The following EPHA5 variants were observed in gnomAD, a reference collection of about 807,000 sequenced individuals.
The protein encoded by EPHA5 is EPH receptor A5, also known as ephrin type-A receptor 5.
In EPHA5, 60 loss-of-function variants were observed where a neutral mutation model predicts 105.0. The observed-to-expected ratio is 0.57, with a 90% CI of 0.46 to 0.71. The LOEUF is 0.71. Ranked by LOEUF, EPHA5 falls within the 30% of genes least tolerant of loss-of-function variation. The probability of loss-of-function intolerance (pLI) is 0.00; values close to 1 mark genes in which losing one functional copy is unlikely to be tolerated. For missense variants in EPHA5, 1,218 were observed against 1,274.7 expected (o/e 0.96, Z 0.68); for synonymous variants, 513 against 449.1 (o/e 1.14, Z -1.80).
intron 5 of EPHA5, among the ~76,000 whole-genome samples, chr4:65,432,549 GT>G (rs1398913560): frequency 1.3e-5 from 2 of 151,832 alleles, no homozygotes; most frequent in African/African-American, 4.8e-5. Context: ...TTTTGTTTAT[GT>G]TTTTGTTCAT....
intron 2 of EPHA5, among the ~76,000 whole-genome samples, chr4:65,633,391 C>A (rs1224811285): frequency 6.6e-6 from 1 of 151,796 alleles, no homozygotes; most frequent in Non-Finnish European, 1.5e-5. Context: ...ATGATAAACA[C>A]CAATCAAACC....
intron 3 of EPHA5, among the ~76,000 whole-genome samples, chr4:65,503,908 T>TACACACACACACACAC (rs34693427): frequency 2.8e-5 from 4 of 145,356 alleles, no homozygotes; most frequent in Non-Finnish European, 6.1e-5. Context: ...ATGTGTGTGA[T>TACACACACACACACAC]ACACACACAC....
intron 3 of EPHA5, among the ~76,000 whole-genome samples, chr4:65,582,902 C>T (rs997329511): frequency 6.6e-6 from 1 of 151,590 alleles, no homozygotes; most frequent in African/African-American, 2.4e-5. Context: ...TCTGTATTGC[C>T]TTTGACATTA....
intron 3 of EPHA5, among the ~76,000 whole-genome samples, chr4:65,544,611 G>T (rs748452194): frequency 6.6e-6 from 1 of 151,878 alleles, no homozygotes; most frequent in Non-Finnish European, 1.5e-5. Flanking sequence ...AAATAGCGAC[G>T]CTTTTACATT....
chr4:65,375,847 C>T (rs1718949808), intron 8 of EPHA5, among the ~76,000 whole-genome samples: 1 of 151,340 alleles, frequency 6.6e-6, no homozygotes, highest in Non-Finnish European at 1.5e-5. Flanking sequence ...TAGCTTTTAC[C>T]AGATTTTAGT....
intron 3 of EPHA5, among the ~76,000 whole-genome samples, chr4:65,508,985 C>T (rs1324326325): frequency 6.6e-6 from 1 of 152,074 alleles, no homozygotes; most frequent in Admixed American, 6.6e-5. Context: ...TGAATCAAGC[C>T]ATTTTGCAAA....
rs77105653 is a variant in EPHA5 at position 65,589,864 on chromosome 4, G to A, written c.910+11777C>T. On this transcript the variant is annotated intron_variant, in intron 3 of 16. Coordinates refer to ENST00000613740, the MANE Select transcript of EPHA5 (RefSeq NM_001281766.3). ...GGCTAAGGGAAACATGGAAAACGCT[G>A]GTGAAATCACATCACATGACTTTTC... Among the ~76,000 whole-genome samples, 694 of 152,072 alleles carry A rather than the reference G, an allele frequency of 4.6e-3. 3 individuals are homozygous for A. Among genetic ancestry groups the A allele is most frequent in the African/African-American group, 0.016 (649 of 41,508 alleles).
rs545784197 is a variant in EPHA5, at chr4:65,646,711, A to T, written c.182-3284T>A. Among the ~76,000 whole-genome samples, 6 of 152,242 alleles carry T rather than the reference A, an allele frequency of 3.9e-5. No individual in the cohort carries two copies. In the South Asian group the frequency reaches 1.2e-3, roughly 32 times the overall value. On this transcript the variant is annotated intron_variant, in intron 1 of 16. Coordinates refer to ENST00000613740, the MANE Select transcript of EPHA5 (RefSeq NM_001281766.3). ...GTTCATCTATCAATGTACCAGATAA[A>T]GAATTGTGAAAGTAGAAATTTAACA...
At position 65,455,011 on chromosome 4, in the gene EPHA5, C is replaced by T. The variant is rs575724229; in HGVS notation, c.1403-34446G>A. On this transcript the variant is annotated intron_variant, in intron 5 of 16. Transcript: ENST00000613740. ...CTGTAATCCCAGCACTTTGGGAGGC[C>T]GAGGCGGGCAGATCACAAGGTCAGG... Among the ~76,000 whole-genome samples the T allele has an allele frequency of 3.0e-3, 456 of 152,016 alleles. 4 individuals carry two copies. Among genetic ancestry groups the T allele is most frequent in the African/African-American group, 0.01 (429 of 41,472 alleles).
chr4:65,526,614 A>G (rs1396597566), intron 3 of EPHA5, among the ~76,000 whole-genome samples: 1 of 151,966 alleles, frequency 6.6e-6, no homozygotes, highest in East Asian at 1.9e-4. Context: ...GTAAATTTCC[A>G]TTGTTTGTTA....
intron 4 of EPHA5, among the ~76,000 whole-genome samples, chr4:65,495,029 G>A (rs1731785717): frequency 6.6e-6 from 1 of 151,804 alleles, no homozygotes; most frequent in African/African-American, 2.4e-5. Flanking sequence ...AGAAGAGGAA[G>A]AGGAGGAAGG....
intron 11 of EPHA5, among the ~76,000 whole-genome samples, chr4:65,355,584 CA>C (rs1451799872): frequency 6.6e-6 from 1 of 151,486 alleles, no homozygotes; most frequent in Non-Finnish European, 1.5e-5. Context: ...TTCAAGAATA[CA>C]AAACTAATAT....
Position 65,443,923 on chromosome 4 carries a change from G to T in EPHA5, c.1403-23358C>A, listed in dbSNP as rs956768298. On this transcript the variant is annotated intron_variant, in intron 5 of 16. Transcript: ENST00000613740. ...TGTGTGCCTGTGTGTGTGTGTGTGT[G>T]TGTGTGCGTGCACGTGTGCACGCGC... 6.6e-5 allele frequency among the ~76,000 whole-genome samples: 10 copies of T among 151,714 alleles called. 1 individual carries two copies. The highest frequency in any genetic ancestry group is 5.3e-4 in the Admixed American group (8 of 15,192).
chr4:65,427,383 C>T (rs569522544), intron 5 of EPHA5, among the ~76,000 whole-genome samples: 22 of 152,026 alleles, frequency 1.4e-4, no homozygotes, highest in African/African-American at 5.1e-4. Context: ...AGGGTTTCAT[C>T]ATCTTGGCCA....
At chr4:65,474,076 C>T (rs1468072775) in intron 5 of EPHA5, among the ~76,000 whole-genome samples, 4 of 151,726 alleles carry the variant, frequency 2.6e-5, no homozygotes, top group Admixed American at 2.0e-4. Flanking sequence ...TGCTAAATGA[C>T]GAGTTAATGG....
chr4:65,517,914 A>G (rs1351408477), intron 3 of EPHA5, among the ~76,000 whole-genome samples: 1 of 151,986 alleles, frequency 6.6e-6, no homozygotes, highest in Non-Finnish European at 1.5e-5. Context: ...TTTTAGTATT[A>G]CATCTACTAA....
At chr4:65,456,085 G>T (rs1217808188) in intron 5 of EPHA5, among the ~76,000 whole-genome samples, 1 of 152,164 alleles carries the variant, frequency 6.6e-6, no homozygotes, top group Non-Finnish European at 1.5e-5. Context: ...AAGTTGTGGG[G>T]AGAGAGAAAC....
chr4:65,458,319 A>G (rs1007475923), intron 5 of EPHA5, among the ~76,000 whole-genome samples: 1 of 152,160 alleles, frequency 6.6e-6, no homozygotes, highest in African/African-American at 2.4e-5. Flanking sequence ...CCAAAATCTT[A>G]TATCAATTTA....
intron 4 of EPHA5, among the ~76,000 whole-genome samples, chr4:65,492,142 G>T (rs1487423253): frequency 6.6e-6 from 1 of 152,010 alleles, no homozygotes; most frequent in Non-Finnish European, 1.5e-5. Flanking sequence ...ACTTTTGAGG[G>T]ATTGTTTTAA....
Sources: allele counts gnomAD v4.1 joint callset (sites outside exome capture counted in the v4.1 genomes callset), GRCh38; gene constraint gnomAD v4.1.1; transcripts MANE v1.5; gene names NCBI Gene and HGNC (gene_info 2026-07-23, HGNC 2026-07-21).